The following RBM20 variants were observed in gnomAD, a reference collection of about 807,000 sequenced individuals.
RBM20 encodes RNA-binding protein 20.
A neutral mutation model predicts 110.1 loss-of-function variants in RBM20; 51 were observed. The ratio of observed to expected loss-of-function variants is 0.46; its 90% CI spans 0.37 to 0.59. RBM20 has a LOEUF of 0.59. RBM20 is among the 20% of genes least tolerant of loss of function. The pLI is 0.00. For missense variants in RBM20, 1,512 were observed against 1,574.9 expected, an observed-to-expected ratio of 0.96 and a Z score of 0.68; for synonymous variants, 589 against 618.2, an observed-to-expected ratio of 0.95 and a Z score of 0.70.
At chr10:110,699,715 T>C (rs1862729039) in intron 1 of RBM20, among the ~76,000 whole-genome samples, 1 of 152,222 alleles carries the variant, frequency 6.6e-6, no homozygotes, top group Non-Finnish European at 1.5e-5. Flanking sequence ...CCTCAGTGGA[T>C]ACCTGAAACT....
chr10:110,791,841 C>G (rs1844487567), intron 5 of RBM20, among the ~76,000 whole-genome samples: 1 of 152,176 alleles, frequency 6.6e-6, no homozygotes, highest in South Asian at 2.1e-4. Flanking sequence ...TTTAGTCACA[C>G]CCCTGCAACT....
At chr10:110,816,218 T>C (rs966373569) in intron 9 of RBM20, among the ~76,000 whole-genome samples, 2 of 150,976 alleles carry the variant, frequency 1.3e-5, no homozygotes, top group East Asian at 3.9e-4. Context: ...CATTCTCTAC[T>C]GTCCCTGGCC....
intron 1 of RBM20, among the ~76,000 whole-genome samples, chr10:110,687,953 C>A (rs1328019138): frequency 6.6e-6 from 1 of 151,114 alleles, no homozygotes; most frequent in Admixed American, 6.6e-5. Flanking sequence ...AGAAGTCCTC[C>A]TTGTCCTTCC....
chr10:110,829,656 CT>C (rs1474535003), intron 12 of RBM20, among the ~76,000 whole-genome samples: 1 of 152,206 alleles, frequency 6.6e-6, no homozygotes, highest in African/African-American at 2.4e-5. Context: ...CTGCTTCCTT[CT>C]GACAGGGTCT....
At chr10:110,746,964 C>T (rs753241830) in intron 1 of RBM20, among the ~76,000 whole-genome samples, 3 of 152,164 alleles carry the variant, frequency 2.0e-5, no homozygotes, top group African/African-American at 7.2e-5. Context: ...ACCCTCTGCA[C>T]CATTATAGTT....
chr10:110,784,283 A>G, intron 3 of RBM20, 58 bp from the exon 4 acceptor site: 6 of 1,282,672 alleles, frequency 4.7e-6, no homozygotes, highest in Non-Finnish European at 6.6e-6. Context: ...TCTGGGTCAC[A>G]TGCTAATTCT....
chr10:110,746,804 T>C (rs1376253152), intron 1 of RBM20, among the ~76,000 whole-genome samples: 1 of 152,192 alleles, frequency 6.6e-6, no homozygotes, highest in Non-Finnish European at 1.5e-5. Flanking sequence ...GCAAATATCA[T>C]CCCATCACAA....
Position 110,656,039 on chromosome 10 carries a change from G to A in RBM20, c.191+11394G>A, listed in dbSNP as rs914159059. On this transcript the variant is annotated intron_variant, in intron 1 of 13. Transcript: ENST00000369519. ...TTGTTGGCTGGGTGTGGTGGCTCAC[G>A]CCTATAATCCCAGCACTTTGGGAGG... Among the ~76,000 whole-genome samples the A allele has an allele frequency of 1.2e-4, 18 of 152,052 alleles. No homozygotes were observed. The South Asian group carries it at 1.5e-3, about 12-fold the overall frequency.
chr10:110,797,557 C>G lies in RBM20; in HGVS notation c.1577C>G (p.Pro526Arg). ...AGRVVHICNL[P>R]EGSCTENDVI... Reference sequence around the variant, plus strand: ...CGTGTGGTGCACATCTGCAATCTCCCTGAAGGAAGCTGCACTGAGAATGAC... The same window carrying G: ...CGTGTGGTGCACATCTGCAATCTCCGTGAAGGAAGCTGCACTGAGAATGAC... The change falls in exon 6 of 14, where the codon CCT becomes CGT. Residue 526 changes from proline to arginine, a missense_variant. Coordinates refer to ENST00000369519, the MANE Select transcript of RBM20 (RefSeq NM_001134363.3). 2 of 1,551,630 alleles carry G rather than the reference C, an allele frequency of 1.3e-6. No homozygotes were observed. Among genetic ancestry groups the G allele is most frequent in the Non-Finnish European group, 1.7e-6 (2 of 1,146,970 alleles).
At position 110,838,367 on chromosome 10, in the gene RBM20, A is replaced by G. The variant is rs1304817498; in HGVS notation, c.*2389A>G. On this transcript the variant is annotated 3_prime_UTR_variant, in exon 14 of 14. Transcript: ENST00000369519. ...AAGTCTGAAGATCACGGCTCAGCCC[A>G]GATTGTTCCCCTGGCCAACTCCACA... The G allele has an allele frequency of 6.6e-6, 1 of 152,208 alleles. No homozygotes were observed. Among genetic ancestry groups the G allele is most frequent in the Non-Finnish European group, 1.5e-5 (1 of 68,028 alleles). The allele number at this position is 152,208 out of a possible 1,614,324, so 9.4% of individuals were successfully genotyped here.
chr10:110,752,552 G>A (rs2134987937), intron 1 of RBM20, among the ~76,000 whole-genome samples: 1 of 152,298 alleles, frequency 6.6e-6, no homozygotes, highest in South Asian at 2.1e-4. Flanking sequence ...TTTTTGATCT[G>A]CTAAACACTG....
intron 1 of RBM20, among the ~76,000 whole-genome samples, chr10:110,712,279 T>C (rs1862943785): frequency 6.6e-6 from 1 of 152,202 alleles, no homozygotes; most frequent in African/African-American, 2.4e-5. Context: ...CCCTAAGATA[T>C]TGTGTATGTT....
chr10:110,829,840 C>G (rs1431824739), intron 12 of RBM20, among the ~76,000 whole-genome samples: 1 of 152,184 alleles, frequency 6.6e-6, no homozygotes, highest in Non-Finnish European at 1.5e-5. Context: ...GTGCCATTCC[C>G]AGGCCCCTTC....
At chr10:110,708,805 C>T (rs1046291126) in intron 1 of RBM20, among the ~76,000 whole-genome samples, 10 of 152,098 alleles carry the variant, frequency 6.6e-5, no homozygotes, top group African/African-American at 2.4e-4. Context: ...CATTGAGGAT[C>T]CTGGGGTTCC....
intron 10 of RBM20, 23 bp from the exon 11 acceptor site, chr10:110,821,252 C>A: frequency 6.5e-7 from 1 of 1,544,562 alleles, no homozygotes; most frequent in Non-Finnish European, 8.8e-7. Flanking sequence ...ACCCTCTGAC[C>A]TCCATTCTGC....
At chr10:110,676,112 C>A (rs1037547309) in intron 1 of RBM20, among the ~76,000 whole-genome samples, 68 of 152,320 alleles carry the variant, frequency 4.5e-4, no homozygotes, top group African/African-American at 1.5e-3. Context: ...AGATGTGGTT[C>A]TGCTTTGCTC....
chr10:110,658,348 T>C (rs1198108379), intron 1 of RBM20, among the ~76,000 whole-genome samples: 2 of 152,170 alleles, frequency 1.3e-5, no homozygotes, highest in African/African-American at 4.8e-5. Context: ...GCGCTGTGTT[T>C]TACAGTCTGT....
intron 1 of RBM20, among the ~76,000 whole-genome samples, chr10:110,677,610 G>A (rs374267791): frequency 7.2e-5 from 11 of 152,200 alleles, no homozygotes; most frequent in African/African-American, 2.4e-4. Context: ...GAGCCACCGC[G>A]CCCAGCCAAA....
chr10:110,830,577 T>C (rs1459434956), intron 12 of RBM20, among the ~76,000 whole-genome samples: 1 of 145,274 alleles, frequency 6.9e-6, no homozygotes, highest in Non-Finnish European at 1.5e-5. Context: ...GGGTGATTTT[T>C]TCCTTCCTTT....
Sources: gnomAD v4.1 joint callset for allele counts (sites outside exome capture counted in the v4.1 genomes callset) on GRCh38, gnomAD v4.1.1 for gene constraint, MANE v1.5 for transcripts, NCBI Gene and HGNC (gene_info 2026-07-23, HGNC 2026-07-21) for gene names.